Variants in ATG2B observed in about 807,000 individuals in gnomAD.
ATG2B encodes autophagy-related protein 2 homolog B.
In ATG2B, 121 loss-of-function variants were observed where a neutral mutation model predicts 241.3. That is an observed-to-expected ratio of 0.50 (90% CI 0.43 to 0.58). The LOEUF (loss-of-function observed/expected upper bound fraction) is 0.58. Ranked by LOEUF, ATG2B falls within the 20% of genes least tolerant of loss-of-function variation. The pLI, the probability that ATG2B is intolerant of heterozygous loss-of-function variation, is 0.00. For synonymous variants in ATG2B, 858 were observed against 876.6 expected (o/e 0.98, Z 0.37); for missense variants, 2,306 against 2,491.6 (o/e 0.93, Z 1.59).
chr14:96,286,105 C>CAAAA, intron 41 of ATG2B, 120 bp from the exon 42 acceptor site: 1 of 647,280 alleles, frequency 1.5e-6, no homozygotes. Context: ...TGTAACCAGA[C>CAAAA]AAAAAAAAAT....
At chr14:96,343,086 G>C in intron 5 of ATG2B, 33 bp downstream of exon 5, 1 of 1,474,648 alleles carries the variant, frequency 6.8e-7, no homozygotes, top group Non-Finnish European at 9.0e-7. Context: ...AAAAATCTAT[G>C]ATTATGGTTT....
At chr14:96,329,755 G>C (rs1336878580) in intron 11 of ATG2B, 121 bp from the exon 12 acceptor site, 1 of 580,350 alleles carries the variant, frequency 1.7e-6, no homozygotes, top group African/African-American at 1.9e-5. Context: ...CAGAAAGATT[G>C]CTTCAAATTT....
intron 11 of ATG2B, among the ~76,000 whole-genome samples, chr14:96,330,866 T>C (rs1887713285): frequency 6.6e-6 from 1 of 152,210 alleles, no homozygotes; most frequent in Non-Finnish European, 1.5e-5. Context: ...TCACTGGCTA[T>C]TTGGATAGCT....
At position 96,282,763 on chromosome 14, in the gene ATG2B, C is replaced by T. The variant is rs139246799; in HGVS notation, c.*2992G>A. ...CAAAGACACTAAACCTACAGAACAT[C>T]GTTTTTAAAGGAGATAGTTAAAAAG... On this transcript the variant is annotated 3_prime_UTR_variant, in exon 42 of 42. Coordinates refer to ENST00000359933, the MANE Select transcript of ATG2B (RefSeq NM_018036.7). 3.9e-4 allele frequency: 59 copies of T among 152,306 alleles called. No homozygotes were observed. Among genetic ancestry groups the T allele is most frequent in the African/African-American group, 1.4e-3 (59 of 41,562 alleles). The allele number at this position is 152,306 out of a possible 1,614,324, so 9.4% of individuals were successfully genotyped here.
intron 4 of ATG2B, among the ~76,000 whole-genome samples, chr14:96,344,007 C>T (rs1216653166): frequency 6.6e-6 from 1 of 152,234 alleles, no homozygotes; most frequent in Non-Finnish European, 1.5e-5. Context: ...TCATCCTGCT[C>T]ATTTCTGTTG....
At chr14:96,349,017 G>C (rs8013088) in intron 1 of ATG2B, among the ~76,000 whole-genome samples, 49,218 of 152,016 alleles carry the variant, frequency 0.32, 8,606 homozygotes, top group African/African-American at 0.45. Context: ...AGTAATTAAA[G>C]TGTGATGATT....
intron 33 of ATG2B, 66 bp from the exon 34 acceptor site, chr14:96,302,174 T>C: frequency 1.0e-6 from 1 of 990,118 alleles, no homozygotes; most frequent in Non-Finnish European, 1.5e-6. Flanking sequence ...TCTTTAAAAA[T>C]AAGAAAAAAA....
intron 1 of ATG2B, among the ~76,000 whole-genome samples, chr14:96,348,432 C>T (rs1024321038): frequency 2.0e-5 from 3 of 152,072 alleles, no homozygotes; most frequent in East Asian, 1.9e-4. Flanking sequence ...CCTATAATCC[C>T]GGCACTTTGG....
intron 36 of ATG2B, among the ~76,000 whole-genome samples, chr14:96,294,139 C>T (rs977013611): frequency 6.6e-6 from 1 of 152,160 alleles, no homozygotes; most frequent in African/African-American, 2.4e-5. Context: ...AACGTGACAA[C>T]CCTTCCAATT....
At chr14:96,342,494 G>C (rs1170862133) in intron 5 of ATG2B, among the ~76,000 whole-genome samples, 1 of 152,118 alleles carries the variant, frequency 6.6e-6, no homozygotes, top group African/African-American at 2.4e-5. Context: ...GGCTGAGGCA[G>C]GTGGATCGCC....
At position 96,316,701 on chromosome 14, in the gene ATG2B, A is replaced by T; in HGVS notation, c.3211-18T>A. The T allele has an allele frequency of 1.9e-6, 3 of 1,596,132 alleles. No individual in the cohort carries two copies. The South Asian group carries it at 3.4e-5, about 18-fold the overall frequency. ...TTATCTTGCTAGTAAAAAGATCAGA[A>T]AAACACAGAAGTTATTACTTAAATG... On this transcript the variant is annotated intron_variant, in intron 20 of 41. Transcript: ENST00000359933.
intron 12 of ATG2B, among the ~76,000 whole-genome samples, chr14:96,328,971 A>C (rs1315496814): frequency 2.6e-5 from 4 of 152,212 alleles, no homozygotes; most frequent in Non-Finnish European, 1.5e-5. Flanking sequence ...ATTCAAATAA[A>C]TTCATTTCCA....
chr14:96,316,993 C>A (rs922546714), intron 20 of ATG2B, 152 bp downstream of exon 20: 2 of 751,260 alleles, frequency 2.7e-6, no homozygotes, highest in Admixed American at 6.0e-5. Flanking sequence ...CCCAAAGTTG[C>A]TATCATCATG....
At chr14:96,334,350 G>A (rs1416516414) in intron 7 of ATG2B, 55 bp downstream of exon 7, 1 of 1,181,048 alleles carries the variant, frequency 8.5e-7, no homozygotes, top group Admixed American at 2.5e-5. Context: ...ATATTTTAAA[G>A]TTTTTTAAAA....
intron 34 of ATG2B, among the ~76,000 whole-genome samples, chr14:96,297,870 C>T (rs545767608): frequency 6.6e-6 from 1 of 152,310 alleles, no homozygotes; most frequent in East Asian, 1.9e-4. Flanking sequence ...TGGCTCACTG[C>T]AGCCTCCACC....
intron 14 of ATG2B, among the ~76,000 whole-genome samples, chr14:96,326,944 C>G (rs1265822379): frequency 1.3e-5 from 2 of 152,104 alleles, no homozygotes; most frequent in African/African-American, 2.4e-5. Context: ...AAAAATAACC[C>G]AACAGATTAA....
Position 96,331,397 on chromosome 14 carries a change from G to A in ATG2B, c.1709C>T (p.Ala570Val). Residue 570 changes from alanine to valine, a missense_variant, in exon 11 of 42, where the codon GCT becomes GTT. Ala to Val is a moderately conservative substitution (Grantham distance 64, BLOSUM62 0). Coordinates refer to ENST00000359933, the MANE Select transcript of ATG2B (RefSeq NM_018036.7). ...FKSFRAVFAE[A>V]CSHDHLRFIG... Reference sequence around the variant, plus strand: ...TTACCTAAGGTGATCGTGTGAGCAAGCTTCTGCAAACACTGCTCGGAAAGA... The same window carrying A: ...TTACCTAAGGTGATCGTGTGAGCAAACTTCTGCAAACACTGCTCGGAAAGA... 6.2e-7 allele frequency: 1 copy of A among 1,613,590 alleles called. No homozygotes were observed. The highest frequency in any genetic ancestry group is 8.5e-7 in the Non-Finnish European group (1 of 1,179,830).
intron 6 of ATG2B, among the ~76,000 whole-genome samples, chr14:96,336,446 T>G (rs1283517435): frequency 6.6e-6 from 1 of 152,208 alleles, no homozygotes; most frequent in Non-Finnish European, 1.5e-5. Context: ...TTCTAAATAT[T>G]AAATATTGGC....
At chr14:96,350,203 C>T (rs7156826) in intron 1 of ATG2B, among the ~76,000 whole-genome samples, 144,685 of 152,270 alleles carry the variant, frequency 0.95, 69,266 homozygotes, top group Non-Finnish European at 0.99. Context: ...AGCCACAGCA[C>T]GAGGAGAGAA....
Sources: gnomAD v4.1 joint callset for allele counts (sites outside exome capture counted in the v4.1 genomes callset) on GRCh38, gnomAD v4.1.1 for gene constraint, MANE v1.5 for transcripts, NCBI Gene and HGNC (gene_info 2026-07-23, HGNC 2026-07-21) for gene names.